The following DHX34 variants were observed in gnomAD, a reference collection of about 807,000 sequenced individuals.
DHX34 encodes DExH-box helicase 34, also known as probable ATP-dependent RNA helicase DHX34.
DHX34 carries 96 observed loss-of-function variants against 111.1 expected under a neutral mutation model. The observed-to-expected ratio is 0.86, with a 90% confidence interval of 0.73 to 1.02. DHX34 has a LOEUF of 1.02. Ranked by LOEUF, DHX34 falls within the 50% of genes least tolerant of loss-of-function variation. The probability of loss-of-function intolerance (pLI) is 0.00; values close to 1 mark genes in which losing one functional copy is unlikely to be tolerated. For synonymous variants in DHX34, 688 were observed against 670.4 expected, an observed-to-expected ratio of 1.03 and a Z score of -0.41; for missense variants, 1,560 against 1,579.9, an observed-to-expected ratio of 0.99 and a Z score of 0.21.
At position 47,355,046 on chromosome 19, in the gene DHX34, A is replaced by C. The variant is rs756984735; in HGVS notation, c.713A>C (p.Tyr238Ser). 6.8e-6 allele frequency: 11 copies of C among 1,613,452 alleles called. No individual in the cohort carries two copies. The highest frequency in any genetic ancestry group is 2.5e-6 in the Non-Finnish European group (3 of 1,179,658). Residue 238 changes from tyrosine to serine, a missense_variant, in exon 3 of 17, where the codon TAC becomes TCC. By Grantham distance (144) the Tyr-to-Ser change is moderately radical. Coordinates refer to ENST00000328771, the MANE Select transcript of DHX34 (RefSeq NM_014681.6). The part of the protein sequence containing the change: ...SLSQYGSQVG[Y>S]QIRFESTRSA... ...TTCTTTCTCCCACCCCAGGTCGGCT[A>C]CCAGATCCGCTTTGAGAGCACACGT...
At chr19:47,357,271 G>T (rs994777593) in intron 3 of DHX34, among the ~76,000 whole-genome samples, 2 of 152,172 alleles carry the variant, frequency 1.3e-5, no homozygotes, top group Non-Finnish European at 2.9e-5. Context: ...TGCATGCATT[G>T]TAAGTATATA....
intron 8 of DHX34, chr19:47,373,335 C>A: frequency 2.4e-6 from 1 of 413,266 alleles, no homozygotes; most frequent in Non-Finnish European, 3.3e-6. Context: ...TGCAGGGAGA[C>A]AGACCACTGA....
intron 13 of DHX34, among the ~76,000 whole-genome samples, chr19:47,378,800 G>GCA (rs1389638861): frequency 6.6e-6 from 1 of 150,704 alleles, no homozygotes; most frequent in Non-Finnish European, 1.5e-5. Context: ...TGTTGACACT[G>GCA]CACTCCAGCC....
In DHX34 at chr19:47,362,482, T is replaced by G; in HGVS notation, c.1382T>G (p.Val461Gly). The G allele has an allele frequency of 6.3e-7, 1 of 1,578,336 alleles. No homozygotes were observed. The highest frequency in any genetic ancestry group is 8.6e-7 in the Non-Finnish European group (1 of 1,159,678). Residue 461 changes from valine to glycine, a missense_variant, in exon 6 of 17, where the codon GTG becomes GGG. By Grantham distance (109) the Val-to-Gly change is moderately radical. Coordinates refer to ENST00000328771, the MANE Select transcript of DHX34 (RefSeq NM_014681.6). ...GIRFVVDSGK[V>G]KEMSYDPQAK... The stretch of plus-strand genomic sequence containing the variant: ...CCTCATTGCTCCCATCCAGGAAAGG[T>G]GAAGGAGATGAGCTACGATCCGCAG...
Position 47,379,020 on chromosome 19 carries a change from T to C in DHX34, c.2707-690T>C, listed in dbSNP as rs141203650. ...GGCGCGTGCCTGTAATCCCAGCTAC[T>C]AGGGAGGCTGAGGCAGGAAAATCGC... On this transcript the variant is annotated intron_variant, in intron 13 of 16. Transcript: ENST00000328771. Among the ~76,000 whole-genome samples, 1,184 of 152,012 alleles carry C rather than the reference T, an allele frequency of 7.8e-3. 23 individuals are homozygous for C. The highest frequency in any genetic ancestry group is 0.027 in the African/African-American group (1,117 of 41,426).
At chr19:47,367,546 G>C in intron 7 of DHX34, among the ~76,000 whole-genome samples, 1 of 152,150 alleles carries the variant, frequency 6.6e-6, no homozygotes, top group Non-Finnish European at 1.5e-5. Flanking sequence ...CAGAGAAATG[G>C]AGATGAGGGC....
At chr19:47,373,543 C>T in intron 8 of DHX34, 56 bp from the exon 9 acceptor site, 6 of 1,578,652 alleles carry the variant, frequency 3.8e-6, no homozygotes, top group Non-Finnish European at 5.2e-6. Flanking sequence ...TCGGTCAGCC[C>T]CTCCCTCCCC....
At chr19:47,359,139 C>CTG (rs1397342872) in intron 4 of DHX34, among the ~76,000 whole-genome samples, 1 of 152,102 alleles carries the variant, frequency 6.6e-6, no homozygotes, top group Non-Finnish European at 1.5e-5. Context: ...AGGGCAGGGG[C>CTG]TGGGCTGTCG....
chr19:47,358,062 C>T lies in DHX34; in HGVS notation c.1214C>T (p.Thr405Ile). The change falls in exon 4 of 17, where the codon ACC becomes ATC. Residue 405 changes from threonine (T) to isoleucine (I), a missense_variant. By Grantham distance (89) the Thr-to-Ile change is moderately conservative. Transcript: ENST00000328771. ...GCTGCCCAGACCTATGCCAGCCACA[C>T]CCAGCGCTGGGTGGTACTGCCACTG... The part of the protein sequence containing the change: ...LEAAQTYASH[T>I]QRWVVLPLHS... 1 of 1,613,328 alleles carries T rather than the reference C, an allele frequency of 6.2e-7. No individual in the cohort carries two copies. The highest frequency in any genetic ancestry group is 1.3e-5 in the African/African-American group (1 of 75,068).
At chr19:47,378,513 T>C (rs965916528) in intron 13 of DHX34, among the ~76,000 whole-genome samples, 3 of 152,168 alleles carry the variant, frequency 2.0e-5, no homozygotes, top group Admixed American at 2.0e-4. Flanking sequence ...ACCTGCTACC[T>C]GAGGCGCTCT....
intron 7 of DHX34, among the ~76,000 whole-genome samples, chr19:47,368,233 G>A (rs940555760): frequency 2.7e-5 from 4 of 150,000 alleles, no homozygotes; most frequent in African/African-American, 9.9e-5. Flanking sequence ...CCGTGTGGCT[G>A]CAGTGGAGTG....
At chr19:47,376,308 C>A in intron 11 of DHX34, 135 bp from the exon 12 acceptor site, 2 of 1,514,240 alleles carry the variant, frequency 1.3e-6, no homozygotes, top group Non-Finnish European at 1.8e-6. Context: ...CCACAGGGGG[C>A]ATCTGCCCCA....
chr19:47,381,324 G>C lies in DHX34; in HGVS notation c.3298G>C (p.Gly1100Arg), dbSNP rs2122390560. 5 of 1,613,026 alleles carry C rather than the reference G, an allele frequency of 3.1e-6. No homozygotes were observed. Among genetic ancestry groups the C allele is most frequent in the Non-Finnish European group, 4.2e-6 (5 of 1,179,458 alleles). The change falls in exon 16 of 17, where the codon GGG (glycine) becomes CGG (arginine). Residue 1100 changes from glycine (G) to arginine (R), a missense_variant and splice_region_variant. Gly to Arg is a moderately radical substitution (Grantham distance 125, BLOSUM62 -2). Coordinates refer to ENST00000328771, the MANE Select transcript of DHX34 (RefSeq NM_014681.6). The stretch of plus-strand genomic sequence containing the variant: ...CCAGGCCCCACAGGATGGGCCCCCA[G>C]GTAAGCACAGGACTGTGGGGACCCG... ...CPQAPQDGPP[G>R]AEEAALETLQ... is the part of the protein sequence containing the mutation.
intron 1 of DHX34, among the ~76,000 whole-genome samples, chr19:47,351,099 G>A (rs949200071): frequency 5.3e-5 from 8 of 151,996 alleles, no homozygotes; most frequent in South Asian, 2.1e-4. Context: ...TGAGAGGAGC[G>A]GGATGCTGTC....
At position 47,355,027 on chromosome 19, in the gene DHX34, C is replaced by G. The variant is rs767071992; in HGVS notation, c.706-12C>G. On this transcript the variant is annotated splice_polypyrimidine_tract_variant and intron_variant, in intron 2 of 16. Coordinates refer to ENST00000328771, the MANE Select transcript of DHX34 (RefSeq NM_014681.6). ...AGGGTCCTCTCCTGATCCTTTCTTT[C>G]TCCCACCCCAGGTCGGCTACCAGAT... 2 of 1,612,138 alleles carry G rather than the reference C, an allele frequency of 1.2e-6. No individual in the cohort carries two copies. The highest frequency in any genetic ancestry group is 2.7e-5 in the African/African-American group (2 of 74,876).
In DHX34 at chr19:47,375,705, C is replaced by T; in HGVS notation, c.2304C>T (p.Ile768=). The T allele has an allele frequency of 6.4e-7, 1 of 1,561,396 alleles. No homozygotes were observed. The highest frequency in any genetic ancestry group is 8.6e-7 in the Non-Finnish European group (1 of 1,158,022). Residue 768 remains isoleucine, a synonymous_variant, in exon 10 of 17, where the codon ATC becomes ATT. Transcript: ENST00000328771. The part of the protein sequence containing the change: ...APPGASDGVD[I]QDVKFKLRHD... ...CAGGGGCCAGTGATGGCGTGGACAT[C>T]CAGGTGGGCGCCATGGGCTGTGGGG... is the stretch of plus-strand genomic sequence containing the variant.
intron 6 of DHX34, among the ~76,000 whole-genome samples, chr19:47,366,638 A>C (rs950218102): frequency 6.7e-6 from 1 of 149,960 alleles, no homozygotes. Flanking sequence ...TGCAGTGCAG[A>C]GGCGCGATCT....
In DHX34 at chr19:47,373,827, C is replaced by G. The variant is rs949122542; in HGVS notation, c.2064+127C>G. ...AATCCCACCCTGCACCCACCTCCCC[C>G]ACCACCCGGTGACCAGGTGTTGGGG... On this transcript the variant is annotated intron_variant, in intron 9 of 16. Coordinates refer to ENST00000328771, the MANE Select transcript of DHX34 (RefSeq NM_014681.6). The G allele has an allele frequency of 5.8e-6, 7 of 1,214,542 alleles. No homozygotes were observed. In the African/African-American group the frequency reaches 1.1e-4, roughly 19 times the overall value. 75.2% of individuals were successfully genotyped at this position (1,214,542 alleles called of 1,614,324 possible).
chr19:47,376,746 G>C (rs897180710), intron 12 of DHX34, 186 bp downstream of exon 12: 20 of 1,434,838 alleles, frequency 1.4e-5, no homozygotes, highest in African/African-American at 2.8e-5. Context: ...CCCCTGCTGG[G>C]CCTCACCTTC....
Sources: allele counts gnomAD v4.1 joint callset (sites outside exome capture counted in the v4.1 genomes callset), GRCh38; gene constraint gnomAD v4.1.1; transcripts MANE v1.5; gene names NCBI Gene and HGNC (gene_info 2026-07-23, HGNC 2026-07-21).